NME7: variants seen among roughly 807,000 people sequenced by gnomAD.
NME7 encodes NME/NM23 family member 7.
NME7 carries 41 observed loss-of-function variants against 49.1 expected under a neutral mutation model. The ratio of observed to expected loss-of-function variants is 0.83; its 90% CI spans 0.65 to 1.08. The LOEUF (loss-of-function observed/expected upper bound fraction) is 1.08, where lower values mean the gene tolerates loss of function less well. Ranked by LOEUF, NME7 falls within the 50% of genes least tolerant of loss-of-function variation. The pLI, the probability that NME7 is intolerant of heterozygous loss-of-function variation, is 0.00. For synonymous variants in NME7, 139 were observed against 150.6 expected (o/e 0.92, Z 0.56); for missense variants, 423 against 463.4 (o/e 0.91, Z 0.80).
chr1:169,166,988 G>A (rs1659432289), intron 11 of NME7, among the ~76,000 whole-genome samples: 1 of 152,044 alleles, frequency 6.6e-6, no homozygotes, highest in African/African-American at 2.4e-5. Context: ...TAAATAAAAA[G>A]TTCATTTGGA....
intron 11 of NME7, among the ~76,000 whole-genome samples, chr1:169,159,054 G>C (rs1659165106): frequency 6.6e-6 from 1 of 152,120 alleles, no homozygotes; most frequent in African/African-American, 2.4e-5. Context: ...TTTCTAAAAA[G>C]GGGCGGCCAC....
chr1:169,164,366 G>A (rs1659343433), intron 11 of NME7, among the ~76,000 whole-genome samples: 2 of 152,004 alleles, frequency 1.3e-5, no homozygotes, highest in South Asian at 4.1e-4. Flanking sequence ...TCCCTACTAT[G>A]TGTACTCACA....
chr1:169,310,047 T>C lies in NME7; in HGVS notation c.312A>G (p.Ser104=). 2 of 1,608,808 alleles carry C rather than the reference T, an allele frequency of 1.2e-6. No homozygotes were observed. Among genetic ancestry groups the C allele is most frequent in the South Asian group, 2.2e-5 (2 of 89,956 alleles). ...TTATTTCAATTATTTCTCCAGCCTT[T>C]GATATTGCATCTGGTTTAATTAGGG... ...TLALIKPDAI[S]KAGEIIEIIN... is the part of the protein sequence containing the mutation. Residue 104 remains serine (S), a synonymous_variant, in exon 4 of 12, where the codon TCA becomes TCG. Coordinates refer to ENST00000367811, the MANE Select transcript of NME7 (RefSeq NM_013330.5).
intron 11 of NME7, among the ~76,000 whole-genome samples, chr1:169,163,024 T>C (rs556522853): frequency 2.6e-5 from 4 of 152,252 alleles, no homozygotes; most frequent in African/African-American, 9.6e-5. Flanking sequence ...AAGAAGGTCC[T>C]TGGAAAAGAC....
At chr1:169,163,336 A>G (rs560474356) in intron 11 of NME7, among the ~76,000 whole-genome samples, 60 of 152,134 alleles carry the variant, frequency 3.9e-4, no homozygotes, top group East Asian at 1.7e-3. Context: ...ACAGCAAAAT[A>G]AATTTGCCAG....
chr1:169,263,381 A>C (rs1649223112), intron 7 of NME7, among the ~76,000 whole-genome samples: 1 of 134,068 alleles, frequency 7.5e-6, no homozygotes, highest in Non-Finnish European at 1.8e-5. Context: ...ACAGGAGATG[A>C]AAGTCAAAAT....
At chr1:169,318,414 A>G (rs1457828857) in intron 3 of NME7, among the ~76,000 whole-genome samples, 4 of 152,210 alleles carry the variant, frequency 2.6e-5, no homozygotes, top group African/African-American at 9.6e-5. Flanking sequence ...GAGAAGAGAA[A>G]TAAGAGAGAT....
chr1:169,278,045 C>T (rs1204717617), intron 7 of NME7, among the ~76,000 whole-genome samples: 1 of 151,814 alleles, frequency 6.6e-6, no homozygotes, highest in Non-Finnish European at 1.5e-5. Flanking sequence ...AGAGTTTCTG[C>T]CGAGAGATCC....
intron 11 of NME7, among the ~76,000 whole-genome samples, chr1:169,139,769 T>C (rs1272505490): frequency 1.3e-5 from 2 of 152,222 alleles, no homozygotes; most frequent in Non-Finnish European, 2.9e-5. Flanking sequence ...GAACTGTCAA[T>C]TCCAGCTTAT....
In NME7 at chr1:169,275,897, G is replaced by C. The variant is rs1232531594; in HGVS notation, c.754+11406C>G. 5.4e-5 allele frequency among the ~76,000 whole-genome samples: 7 copies of C among 129,750 alleles called. 2 individuals are homozygous for C. The highest frequency in any genetic ancestry group is 2.4e-4 in the South Asian group (1 of 4,252). The allele number at this position is 129,750 out of a possible 152,430, so 85.1% of individuals were successfully genotyped here. On this transcript the variant is annotated intron_variant, in intron 7 of 11. Coordinates refer to ENST00000367811, the MANE Select transcript of NME7 (RefSeq NM_013330.5). ...TTTATTGAGAGTTTTTAGCATGAAG[G>C]GTTGTTGAATTTTGTCAAAGGCCTT...
In NME7 at chr1:169,276,611, A is replaced by C. The variant is rs1649740667; in HGVS notation, c.754+10692T>G. Among the ~76,000 whole-genome samples the C allele has an allele frequency of 2.3e-5, 3 of 130,868 alleles. 1 individual carries two copies. The highest frequency in any genetic ancestry group is 5.4e-5 in the Non-Finnish European group (3 of 55,954). The allele number at this position is 130,868 out of a possible 152,430, so 85.9% of individuals were successfully genotyped here. On this transcript the variant is annotated intron_variant, in intron 7 of 11. Coordinates refer to ENST00000367811, the MANE Select transcript of NME7 (RefSeq NM_013330.5). ...TTATTAGTCTTGCTAGCGGTCTATC[A>C]ATTTTGCTGATCCTTTCAAAAAACC... is the stretch of plus-strand genomic sequence containing the variant.
intron 1 of NME7, among the ~76,000 whole-genome samples, chr1:169,338,898 C>T (rs1034369767): frequency 9.9e-5 from 15 of 152,122 alleles, no homozygotes; most frequent in Middle Eastern, 6.3e-3. Context: ...TGTTTCTTCA[C>T]GGGCAGACTG....
intron 1 of NME7, among the ~76,000 whole-genome samples, chr1:169,328,940 T>C (rs1257531208): frequency 6.6e-6 from 1 of 152,168 alleles, no homozygotes; most frequent in Non-Finnish European, 1.5e-5. Context: ...CATGCCAAGA[T>C]TGCAGACTAC....
At chr1:169,245,228 C>T (rs1443977064) in intron 7 of NME7, among the ~76,000 whole-genome samples, 1 of 152,140 alleles carries the variant, frequency 6.6e-6, no homozygotes, top group African/African-American at 2.4e-5. Flanking sequence ...GAGCCCCTTA[C>T]ACTGTAGAAA....
At chr1:169,220,963 T>A (rs1661125074) in intron 10 of NME7, among the ~76,000 whole-genome samples, 1 of 152,214 alleles carries the variant, frequency 6.6e-6, no homozygotes, top group Non-Finnish European at 1.5e-5. Context: ...CAGGCAGGAA[T>A]ATGAATTCAC....
chr1:169,215,578 A>C (rs892154900), intron 10 of NME7, among the ~76,000 whole-genome samples: 2 of 152,112 alleles, frequency 1.3e-5, no homozygotes, highest in Non-Finnish European at 1.5e-5. Context: ...AATGAAACAA[A>C]AAAAAAAGGA....
chr1:169,366,511 G>A (rs1653860104), intron 1 of NME7, among the ~76,000 whole-genome samples: 1 of 152,140 alleles, frequency 6.6e-6, no homozygotes, highest in Non-Finnish European at 1.5e-5. Context: ...CTGAAGAGAA[G>A]AAACTGGAGA....
intron 11 of NME7, among the ~76,000 whole-genome samples, chr1:169,135,282 A>T (rs1658397804): frequency 6.6e-6 from 1 of 152,156 alleles, no homozygotes; most frequent in Non-Finnish European, 1.5e-5. Flanking sequence ...ACCAGAGGGA[A>T]CTGCTCCAAC....
intron 7 of NME7, chr1:169,286,989 A>T (rs1650300941): frequency 4.3e-6 from 1 of 233,966 alleles, no homozygotes; most frequent in African/African-American, 2.3e-5. Flanking sequence ...GAAGTAAATT[A>T]AGTGAATCAC....
Sources: allele counts gnomAD v4.1 joint callset (sites outside exome capture counted in the v4.1 genomes callset), GRCh38; gene constraint gnomAD v4.1.1; transcripts MANE v1.5; gene names NCBI Gene and HGNC (gene_info 2026-07-23, HGNC 2026-07-21).